Variants in NRXN3 observed in about 807,000 individuals in gnomAD.
The protein encoded by NRXN3 is neurexin III.
A neutral mutation model predicts 137.6 loss-of-function variants in NRXN3; 32 were observed. The ratio of observed to expected loss-of-function variants is 0.23; its 90% CI spans 0.18 to 0.31. The LOEUF is 0.31. NRXN3 is among the 10% of genes least tolerant of loss of function. The probability of loss-of-function intolerance (pLI) is 1.00; values close to 1 mark genes in which losing one functional copy is unlikely to be tolerated. For missense variants in NRXN3, 1,574 were observed against 2,062.5 expected, an observed-to-expected ratio of 0.76 and a Z score of 4.59; for synonymous variants, 798 against 784.5, an observed-to-expected ratio of 1.02 and a Z score of -0.29.
intron 15 of NRXN3, among the ~76,000 whole-genome samples, chr14:79,417,050 A>G (rs2095507059): frequency 6.6e-6 from 1 of 152,174 alleles, no homozygotes; most frequent in South Asian, 2.1e-4. Flanking sequence ...AAAGATCTGG[A>G]AACTATTTAT....
At chr14:79,851,926 C>A (rs761171146) in intron 20 of NRXN3, among the ~76,000 whole-genome samples, 4 of 152,020 alleles carry the variant, frequency 2.6e-5, no homozygotes, top group Non-Finnish European at 5.9e-5. Flanking sequence ...CTGTAGTTTA[C>A]AGACACTGAT....
intron 15 of NRXN3, among the ~76,000 whole-genome samples, chr14:79,080,701 A>G (rs1421101695): frequency 6.6e-6 from 1 of 152,192 alleles, no homozygotes; most frequent in African/African-American, 2.4e-5. Flanking sequence ...CAAGAGCTTG[A>G]TGAATGAAAA....
intron 4 of NRXN3, among the ~76,000 whole-genome samples, chr14:78,560,982 A>G (rs1381458224): frequency 6.6e-6 from 1 of 152,202 alleles, no homozygotes; most frequent in Non-Finnish European, 1.5e-5. Flanking sequence ...TAGTCAGGTT[A>G]GACTTGATTA....
At chr14:79,262,592 G>A (rs2077796569) in intron 15 of NRXN3, among the ~76,000 whole-genome samples, 1 of 152,092 alleles carries the variant, frequency 6.6e-6, no homozygotes, top group Non-Finnish European at 1.5e-5. Context: ...ACAAGAAGGA[G>A]AAGAAGAATC....
chr14:78,435,250 A>G (rs2094022375), intron 4 of NRXN3, among the ~76,000 whole-genome samples: 1 of 152,180 alleles, frequency 6.6e-6, no homozygotes, highest in Non-Finnish European at 1.5e-5. Flanking sequence ...TCTTGGAAGG[A>G]AAGCTTTGGT....
chr14:78,355,385 A>G (rs961063440), intron 4 of NRXN3, among the ~76,000 whole-genome samples: 1 of 150,330 alleles, frequency 6.7e-6, no homozygotes, highest in Admixed American at 6.6e-5. Context: ...ATATGAACCC[A>G]TTTCTTTCAG....
intron 19 of NRXN3, among the ~76,000 whole-genome samples, chr14:79,766,653 C>A (rs1046593394): frequency 6.6e-6 from 1 of 152,186 alleles, no homozygotes; most frequent in African/African-American, 2.4e-5. Context: ...CTTCTTAGCT[C>A]TGGCAAAGCT....
chr14:79,001,337 C>A (rs529924715), intron 15 of NRXN3, among the ~76,000 whole-genome samples: 3 of 152,184 alleles, frequency 2.0e-5, no homozygotes, highest in Non-Finnish European at 2.9e-5. Context: ...TTCCTCTGCT[C>A]GTGAACCTTC....
intron 19 of NRXN3, among the ~76,000 whole-genome samples, chr14:79,742,596 C>T (rs1483662362): frequency 6.6e-6 from 1 of 152,122 alleles, no homozygotes; most frequent in East Asian, 1.9e-4. Flanking sequence ...AGCTAATTGC[C>T]TGCTACTTGG....
At chr14:78,491,289 G>T (rs985810639) in intron 4 of NRXN3, among the ~76,000 whole-genome samples, 1 of 138,752 alleles carries the variant, frequency 7.2e-6, no homozygotes, top group South Asian at 2.4e-4. Context: ...CCACTCAGAG[G>T]GGGAGGGAAA....
intron 16 of NRXN3, among the ~76,000 whole-genome samples, chr14:79,593,471 A>T (rs982341523): frequency 6.6e-6 from 1 of 151,986 alleles, no homozygotes; most frequent in Non-Finnish European, 1.5e-5. Flanking sequence ...TCTACTAAAA[A>T]TACAAAAAAA....
At chr14:78,789,386 GCTTTCGGTTGT>G (rs1188621985) in intron 8 of NRXN3, among the ~76,000 whole-genome samples, 2 of 152,128 alleles carry the variant, frequency 1.3e-5, no homozygotes, top group Non-Finnish European at 2.9e-5. Flanking sequence ...GTCTGGAGAT[GCTTTCGGTTGT>G]CACGACCAAA....
chr14:78,329,909 A>C (rs947424292), intron 4 of NRXN3, among the ~76,000 whole-genome samples: 2 of 152,196 alleles, frequency 1.3e-5, no homozygotes, highest in African/African-American at 4.8e-5. Context: ...AAGAAGGAAC[A>C]CTGATAGTGA....
At position 78,243,636 on chromosome 14, in the gene NRXN3, TG is replaced by T; in HGVS notation, c.545del (p.Gly182GlufsTer67). ...FKGLILDLKY[G>X]NSEPRLLGSR... ...AGGGGTTAATTCTGGATCTCAAGTA[TG>T]GAAACTCGGAGCCTCGGCTTCTGGG... On this transcript the variant is annotated frameshift_variant, in exon 2 of 21. Transcript: ENST00000335750. LOFTEE classifies it high-confidence loss of function. This position sits in a 1 kb window ranked among gnomAD's most constrained non-coding sequence, Gnocchi z 4.2. 1 of 1,598,394 alleles carries T rather than the reference TG, an allele frequency of 6.3e-7. No homozygotes were observed. Among genetic ancestry groups the T allele is most frequent in the Non-Finnish European group, 8.5e-7 (1 of 1,179,806 alleles).
At chr14:78,310,461 A>G (rs8003641) in intron 4 of NRXN3, among the ~76,000 whole-genome samples, 41,846 of 151,664 alleles carry the variant, frequency 0.28, 5,960 homozygotes, top group African/African-American at 0.34. Flanking sequence ...GTAGTACACC[A>G]TTTGCCTGGG....
chr14:79,356,759 G>C (rs1453157644), intron 15 of NRXN3, among the ~76,000 whole-genome samples: 4 of 151,912 alleles, frequency 2.6e-5, no homozygotes, highest in African/African-American at 9.7e-5. Flanking sequence ...ATGGAGTCTG[G>C]CTCTGTTGCC....
chr14:78,872,631 T>C (rs1265103650), intron 10 of NRXN3, among the ~76,000 whole-genome samples: 1 of 152,138 alleles, frequency 6.6e-6, no homozygotes, highest in East Asian at 1.9e-4. Context: ...TCAAAATTAT[T>C]ATTAGTGGGT....
chr14:78,935,738 G>C (rs1255674933), intron 10 of NRXN3, among the ~76,000 whole-genome samples: 1 of 152,110 alleles, frequency 6.6e-6, no homozygotes, highest in African/African-American at 2.4e-5. Context: ...TTAAAATAGA[G>C]CTAATAGCTG....
Position 79,427,607 on chromosome 14 carries a change from C to T in NRXN3, c.3263-39614C>T, listed in dbSNP as rs114884605. ...GTGGGTGACTCACTTCAGGTCGGGT[C>T]ACTCACTTGAGACCAGGAGTTCGAG... On this transcript the variant is annotated intron_variant, in intron 15 of 20. Transcript: ENST00000335750. Among the ~76,000 whole-genome samples, 984 of 152,134 alleles carry T rather than the reference C, an allele frequency of 6.5e-3. 12 individuals are homozygous for T. The highest frequency in any genetic ancestry group is 0.023 in the African/African-American group (948 of 41,526).
Sources: allele counts gnomAD v4.1 joint callset (sites outside exome capture counted in the v4.1 genomes callset), GRCh38; gene constraint gnomAD v4.1.1; non-coding constraint Gnocchi (gnomAD v3.1); transcripts MANE v1.5; gene names NCBI Gene and HGNC (gene_info 2026-07-23, HGNC 2026-07-21).